PXDN: variants seen among roughly 807,000 people sequenced by gnomAD.
PXDN encodes the protein peroxidasin.
In PXDN, 77 loss-of-function variants were observed where a neutral mutation model predicts 140.3. That is an observed-to-expected ratio of 0.55 (90% CI 0.46 to 0.66). The LOEUF (loss-of-function observed/expected upper bound fraction) is 0.66. PXDN is among the 30% of genes least tolerant of loss of function. The pLI, the probability that PXDN is intolerant of heterozygous loss-of-function variation, is 0.00. For synonymous variants in PXDN, 911 were observed against 857.4 expected (o/e 1.06, Z -1.09); for missense variants, 1,838 against 2,039.5 (o/e 0.90, Z 1.90).
chr2:1,647,889 T>A (rs1682887997), intron 17 of PXDN, among the ~76,000 whole-genome samples: 1 of 152,114 alleles, frequency 6.6e-6, no homozygotes, highest in African/African-American at 2.4e-5. Flanking sequence ...ATCTCTAAGC[T>A]GAAAATGTGC....
At chr2:1,705,161 C>T (rs1684562740) in intron 1 of PXDN, among the ~76,000 whole-genome samples, 1 of 146,582 alleles carries the variant, frequency 6.8e-6, no homozygotes, top group South Asian at 2.1e-4. Context: ...CTGGGCCTCC[C>T]CGGAGCCGTG....
chr2:1,739,645 T>A (rs1320047624), intron 1 of PXDN, among the ~76,000 whole-genome samples: 1 of 152,140 alleles, frequency 6.6e-6, no homozygotes, highest in East Asian at 1.9e-4. Flanking sequence ...GATGGCAAAC[T>A]GGACATCCCA....
chr2:1,714,323 C>T lies in PXDN; in HGVS notation c.201-21189G>A, dbSNP rs926786209. Among the ~76,000 whole-genome samples, 3 of 152,188 alleles carry T rather than the reference C, an allele frequency of 2.0e-5. No individual in the cohort carries two copies. Among genetic ancestry groups the T allele is most frequent in the Non-Finnish European group, 2.9e-5 (2 of 68,036 alleles). On this transcript the variant is annotated intron_variant, in intron 1 of 22. Coordinates refer to ENST00000252804, the MANE Select transcript of PXDN (RefSeq NM_012293.3). The surrounding 1 kb of genome is among the most constrained non-coding windows in gnomAD (Gnocchi z 4.3). ...CCACTCTTGGGAAGGTTCCCCTGTC[C>T]CCCGATGGTCCGGCACCCTGGCCCA...
In PXDN at chr2:1,711,432, T is replaced by C. The variant is rs868691864; in HGVS notation, c.201-18298A>G. Among the ~76,000 whole-genome samples, 284 of 43,988 alleles carry C rather than the reference T, an allele frequency of 6.5e-3. 3 individuals carry two copies. The highest frequency in any genetic ancestry group is 0.021 in the African/African-American group (190 of 8,838). The allele number at this position is 43,988 out of a possible 152,430, so 28.9% of individuals were successfully genotyped here. On this transcript the variant is annotated intron_variant, in intron 1 of 22. Coordinates refer to ENST00000252804, the MANE Select transcript of PXDN (RefSeq NM_012293.3). ...CTCTCCACCAGCACCCACTCTCCAC[T>C]AGCACCCACTCCACCAGCACCCACT...
chr2:1,638,773 C>G lies in PXDN; in HGVS notation c.4206+73G>C, dbSNP rs6742039. 1,442,083 of 1,596,106 alleles carry G rather than the reference C, an allele frequency of 0.9. 653,852 individuals are homozygous for G. Among genetic ancestry groups the G allele is most frequent in the East Asian group, 1 (44,701 of 44,710 alleles). On this transcript the variant is annotated intron_variant, in intron 21 of 22. Coordinates refer to ENST00000252804, the MANE Select transcript of PXDN (RefSeq NM_012293.3). Reference sequence around the variant, plus strand: ...GTTGCCTGGGAATAAAATGCTATACCCAGAAGGTTCGGGCAGGGCTGTGCT... The same window carrying G: ...GTTGCCTGGGAATAAAATGCTATACGCAGAAGGTTCGGGCAGGGCTGTGCT...
chr2:1,663,865 G>A (rs895724236), intron 11 of PXDN, 102 bp from the exon 12 acceptor site: 56 of 1,459,612 alleles, frequency 3.8e-5, no homozygotes, highest in African/African-American at 2.1e-4. Context: ...CACCTGGGTC[G>A]GGGCGCCGGA....
Position 1,662,185 on chromosome 2 carries a change from C to A in PXDN, c.1568-1G>T. ...GGAATGCTGGCAAACACTGGGGTGA[C>A]TGGAAGGCAGATGTAGAGAATCCAG... On this transcript the variant is annotated splice_acceptor_variant, in intron 12 of 22. Transcript: ENST00000252804. LOFTEE classifies it high-confidence loss of function. 6.3e-7 allele frequency: 1 copy of A among 1,580,298 alleles called. No homozygotes were observed. The highest frequency in any genetic ancestry group is 8.6e-7 in the Non-Finnish European group (1 of 1,162,302).
intron 1 of PXDN, among the ~76,000 whole-genome samples, chr2:1,736,046 A>G (rs537933056): frequency 1.4e-4 from 22 of 152,332 alleles, no homozygotes; most frequent in African/African-American, 5.3e-4. Context: ...AATCTCTGCT[A>G]GCTCCAAACG....
intron 1 of PXDN, among the ~76,000 whole-genome samples, chr2:1,711,649 TCCACCA>T (rs1558521749): frequency 1.9e-5 from 1 of 52,526 alleles, no homozygotes; most frequent in African/African-American, 8.9e-5. Flanking sequence ...CAGCACCCAC[TCCACCA>T]GCACCCACTC....
chr2:1,638,877 ATTTCCAGAACAAAC>A lies in PXDN; in HGVS notation c.4161_4174del (p.Glu1387AspfsTer16). The stretch of plus-strand genomic sequence containing the variant: ...TCTGAGGTCTGTGATGGTCTTCTGC[ATTTCCAGAACAAAC>A]TCTCTGAAGTCATTTGTCCCAGATG... On this transcript the variant is annotated frameshift_variant, in exon 21 of 23. Coordinates refer to ENST00000252804, the MANE Select transcript of PXDN (RefSeq NM_012293.3). LOFTEE classifies it high-confidence loss of function. 6.2e-7 allele frequency: 1 copy of A among 1,614,000 alleles called. No individual in the cohort carries two copies. Among genetic ancestry groups the A allele is most frequent in the Non-Finnish European group, 8.5e-7 (1 of 1,179,872 alleles).
At position 1,639,291 on chromosome 2, in the gene PXDN, G is replaced by A; in HGVS notation, c.4073+11C>T. On this transcript the variant is annotated intron_variant, in intron 20 of 22. Coordinates refer to ENST00000252804, the MANE Select transcript of PXDN (RefSeq NM_012293.3). This position sits in a 1 kb window ranked among gnomAD's most constrained non-coding sequence, Gnocchi z 5.0. Reference sequence around the variant, plus strand: ...CCTCTGCACATCATTTGACCTCAGAGACCACCATACCTGGGTATTTTCCGT... The same window carrying A: ...CCTCTGCACATCATTTGACCTCAGAAACCACCATACCTGGGTATTTTCCGT... 6.2e-7 allele frequency: 1 copy of A among 1,609,604 alleles called. No homozygotes were observed. The highest frequency in any genetic ancestry group is 8.5e-7 in the Non-Finnish European group (1 of 1,177,780).
chr2:1,688,548 G>C (rs1025433257), intron 3 of PXDN, among the ~76,000 whole-genome samples: 5 of 152,140 alleles, frequency 3.3e-5, no homozygotes, highest in African/African-American at 1.2e-4. Context: ...TCTCGGACAT[G>C]ACTCGCCTTC....
rs1405574959 is a variant in PXDN, at chr2:1,660,872, G to A, written c.1837+9C>T. ...CCATGTGGGTAGATGTGGGCATGTGGCATCTTACCATTCACACTGAGCACC... is the reference window on the plus strand; with the variant it reads ...CCATGTGGGTAGATGTGGGCATGTGACATCTTACCATTCACACTGAGCACC... On this transcript the variant is annotated intron_variant, in intron 14 of 22. Coordinates refer to ENST00000252804, the MANE Select transcript of PXDN (RefSeq NM_012293.3). The surrounding 1 kb of genome is among the most constrained non-coding windows in gnomAD (Gnocchi z 4.6). 11 of 1,604,846 alleles carry A rather than the reference G, an allele frequency of 6.9e-6. No individual in the cohort carries two copies. The highest frequency in any genetic ancestry group is 9.4e-6 in the Non-Finnish European group (11 of 1,173,734).
intron 1 of PXDN, among the ~76,000 whole-genome samples, chr2:1,740,917 TC>T (rs937720137): frequency 6.6e-6 from 1 of 152,166 alleles, no homozygotes; most frequent in African/African-American, 2.4e-5. Context: ...CAATGCGACC[TC>T]CCTGAGCCCA....
At chr2:1,724,208 A>C (rs1398452475) in intron 1 of PXDN, among the ~76,000 whole-genome samples, 1 of 152,158 alleles carries the variant, frequency 6.6e-6, no homozygotes, top group African/African-American at 2.4e-5. Context: ...TTTTGTCCCC[A>C]CAGAAAAATA....
At chr2:1,732,703 C>T (rs1316632293) in intron 1 of PXDN, among the ~76,000 whole-genome samples, 2 of 152,190 alleles carry the variant, frequency 1.3e-5, no homozygotes, top group Non-Finnish European at 2.9e-5. Context: ...ATATCCAGTG[C>T]TCACCAAAGT....
intron 17 of PXDN, among the ~76,000 whole-genome samples, chr2:1,644,982 A>G (rs1027354871): frequency 6.6e-6 from 1 of 152,194 alleles, no homozygotes; most frequent in Non-Finnish European, 1.5e-5. Flanking sequence ...CGCATTTATT[A>G]TAACAAATTT....
intron 1 of PXDN, among the ~76,000 whole-genome samples, chr2:1,727,166 G>A (rs1447439966): frequency 1.3e-5 from 2 of 152,126 alleles, no homozygotes; most frequent in East Asian, 1.9e-4. Flanking sequence ...AACCGCTGAC[G>A]CTGACCAAGC....
intron 2 of PXDN, chr2:1,692,704 G>A: frequency 2.3e-6 from 1 of 443,226 alleles, no homozygotes; most frequent in Admixed American, 2.5e-5. Context: ...AAGAAGCACT[G>A]TCCTGCTCAA....
Sources: gnomAD v4.1 joint callset for allele counts (sites outside exome capture counted in the v4.1 genomes callset) on GRCh38, gnomAD v4.1.1 for gene constraint, Gnocchi (gnomAD v3.1) non-coding constraint, MANE v1.5 for transcripts, NCBI Gene and HGNC (gene_info 2026-07-23, HGNC 2026-07-21) for gene names.